Variants in L1CAM observed in about 807,000 individuals in gnomAD.
The protein encoded by L1CAM is neural cell adhesion molecule L1.
A neutral mutation model predicts 93.0 loss-of-function variants in L1CAM; 8 were observed. The observed-to-expected ratio is 0.09, with a 90% CI of 0.05 to 0.16. The LOEUF is 0.16. L1CAM is among the 10% of genes least tolerant of loss of function. The probability of loss-of-function intolerance (pLI) is 1.00; values close to 1 mark genes in which losing one functional copy is unlikely to be tolerated. For missense variants in L1CAM, 777 were observed against 1,073.4 expected, an observed-to-expected ratio of 0.72 and a Z score of 3.86; for synonymous variants, 453 against 453.0, an observed-to-expected ratio of 1.00 and a Z score of 0.00.
chrX:153,867,769 G>C, intron 16 of L1CAM, 31 bp downstream of exon 16: 1 of 1,155,985 alleles, frequency 8.7e-7, no homozygotes, highest in Non-Finnish European at 1.2e-6. Flanking sequence ...CAGAAGTGAC[G>C]GTGGGGTGGC....
At chrX:153,878,631 G>A (rs1428262581) in intron 1 of L1CAM, among the ~76,000 whole-genome samples, 1 of 112,061 alleles carries the variant, frequency 8.9e-6, no homozygotes, top group Non-Finnish European at 1.9e-5. Flanking sequence ...AGCCTTGGGA[G>A]CTCTGAGCAC....
chrX:153,865,356 A>G lies in L1CAM; in HGVS notation c.2692T>C (p.Phe898Leu). 8.3e-7 allele frequency: 1 copy of G among 1,211,487 alleles called. No individual in the cohort carries two copies. The change falls in exon 21 of 29, where the codon TTT (phenylalanine) becomes CTT (leucine). Residue 898 changes from phenylalanine (F) to leucine (L), a missense_variant. By Grantham distance (22) the Phe-to-Leu change is conservative. Around this residue, in one of 5 missense-constraint regions of L1CAM, gnomAD observed 574 missense variants for 781.0 expected, o/e 0.73. Transcript: ENST00000370060. ...GCGGGCCCCGATCCTCGCCCGTTAA[A>G]GGCCTGCACCTCCAGGTGGTAGGAG... ...YSSYHLEVQA[F>L]NGRGSGPASE...
At chrX:153,872,776 G>A (rs1240013581) in intron 3 of L1CAM, 79 bp from the exon 4 acceptor site, 1 of 839,960 alleles carries the variant, frequency 1.2e-6, no homozygotes, top group Non-Finnish European at 1.8e-6. Context: ...CCCATCGTGA[G>A]GGAAGCAGGG....
rs34039996 is a variant in L1CAM, at chrX:153,872,603, C to T, written c.186G>A (p.Lys62=). ...CAGAGATCACTCACTGCACTTCGGG[C>T]TTGCCACTGGCCTCACACTTGAGGC... ...DISLKCEASG[K]PEVQFRWTRD... is the part of the protein sequence containing the mutation. Residue 62 remains lysine (K), a synonymous_variant, in exon 4 of 29, where the codon AAG becomes AAA. Coordinates refer to ENST00000370060, the MANE Select transcript of L1CAM (RefSeq NM_001278116.2). The T allele has an allele frequency of 2.5e-6, 3 of 1,203,915 alleles. No individual in the cohort carries two copies. The highest frequency in any genetic ancestry group is 1.8e-5 in the African/African-American group (1 of 56,969).
rs376924824 is a variant in L1CAM at position 153,869,797 on chromosome X, G to C, written c.1123+6C>G. 2.5e-6 allele frequency: 3 copies of C among 1,209,314 alleles called. No homozygotes were observed. Among genetic ancestry groups the C allele is most frequent in the Non-Finnish European group, 3.4e-6 (3 of 894,764 alleles). On this transcript the variant is annotated splice_donor_region_variant and intron_variant, in intron 10 of 28. Transcript: ENST00000370060. ...ACTCCCCACTCCTGCCTGAGGCCCT[G>C]CTCACCCTCCACAGGGATCCCGTTG... is the stretch of plus-strand genomic sequence containing the variant.
Position 153,862,683 on chromosome X carries a change from G to C in L1CAM, c.3754C>G (p.Pro1252Ala). Reference protein sequence around the residue: ...DSSGATSPINPAVALE With the variant: ...DSSGATSPINAAVALE ...CTCCACTATTCTAGGGCCACGGCAG[G>C]GTTGATGGGGGAAGTGGCCCCTGAG... Residue 1252 changes from proline (P) to alanine (A), a missense_variant, in exon 29 of 29, where the codon CCT (proline) becomes GCT (alanine). Physicochemically the swap from Pro to Ala is conservative, Grantham distance 27. Around this residue, in one of 5 missense-constraint regions of L1CAM, gnomAD observed 110 missense variants for 141.7 expected, o/e 0.78. Transcript: ENST00000370060. 8.3e-7 allele frequency: 1 copy of C among 1,210,187 alleles called. No homozygotes were observed. Among genetic ancestry groups the C allele is most frequent in the Non-Finnish European group, 1.1e-6 (1 of 893,855 alleles).
intron 24 of L1CAM, 39 bp downstream of exon 24, chrX:153,864,546 C>G: frequency 8.3e-7 from 1 of 1,207,847 alleles, no homozygotes; most frequent in Non-Finnish European, 1.1e-6. Context: ...CCCAGAGCCC[C>G]CTTCCCCACC....
chrX:153,885,982 G>T, intron 1 of L1CAM, 83 bp downstream of exon 1: 3 of 712,665 alleles, frequency 4.2e-6, no homozygotes, highest in African/African-American at 2.6e-5. Flanking sequence ...TCCCTGGTCC[G>T]TGCACCCCGG....
Position 153,868,910 on chromosome X carries a change from A to G in L1CAM, c.1310T>C (p.Met437Thr), listed in dbSNP as rs2064741363. The change falls in exon 12 of 29, where the codon ATG becomes ACG. Residue 437 changes from methionine to threonine, a missense_variant. Coordinates refer to ENST00000370060, the MANE Select transcript of L1CAM (RefSeq NM_001278116.2). ...KILTADNQTY[M>T]AVQGSTAYLL... ...GTAGGCAGTGCTGCCCTGGACAGCC[A>G]TGTACGTCTGATTGTCCGCAGTCAG... 8.3e-7 allele frequency: 1 copy of G among 1,211,679 alleles called. No homozygotes were observed. Among genetic ancestry groups the G allele is most frequent in the Non-Finnish European group, 1.1e-6 (1 of 895,237 alleles).
chrX:153,869,192 C>G, intron 11 of L1CAM: 1 of 450,679 alleles, frequency 2.2e-6, no homozygotes, highest in Admixed American at 3.6e-5. Context: ...GCCTAACTGA[C>G]AGTCACCTCT....
At chrX:153,866,930 C>T (rs1466431599) in intron 18 of L1CAM, 59 bp from the exon 19 acceptor site, 15 of 1,137,941 alleles carry the variant, frequency 1.3e-5, no homozygotes, top group South Asian at 9.1e-5. Flanking sequence ...TTCTTTGGCC[C>T]GCCCCCCAGC....
chrX:153,884,982 C>T (rs1408110778), intron 1 of L1CAM, among the ~76,000 whole-genome samples: 1 of 112,550 alleles, frequency 8.9e-6, no homozygotes, highest in Non-Finnish European at 1.9e-5. Context: ...GCCAGGCCCC[C>T]ACTCCTTCTG....
chrX:153,864,524 C>T (rs1557090084), intron 24 of L1CAM, 47 bp from the exon 25 acceptor site: 4 of 1,208,485 alleles, frequency 3.3e-6, no homozygotes, highest in Admixed American at 4.3e-5. Context: ...GAGTGCCAGG[C>T]AACCCCTCTG....
rs1262662588 is a variant in L1CAM at position 153,871,677 on chromosome X, C to T, written c.400+475G>A. ...CAAAGGGAAAACCCCAGGGAAAAGG[C>T]GACACAGATCAAGACAGAGCCGTGG... On this transcript the variant is annotated intron_variant, in intron 5 of 28. Transcript: ENST00000370060. 3.6e-5 allele frequency among the ~76,000 whole-genome samples: 4 copies of T among 111,030 alleles called. No individual in the cohort carries two copies. In the East Asian group the frequency reaches 8.5e-4, roughly 24 times the overall value.
rs201130326 is a variant in L1CAM, at chrX:153,864,304, G to A, written c.3322+18C>T. The A allele has an allele frequency of 5.5e-5, 66 of 1,206,761 alleles. No homozygotes were observed. Among genetic ancestry groups the A allele is most frequent in the Non-Finnish European group, 6.3e-5 (56 of 892,995 alleles). The stretch of plus-strand genomic sequence containing the variant: ...CCATGCTTCCCTGGCAGGTGATGGC[G>A]GGCCCCCGGCGCCTCACCTGTGCCA... On this transcript the variant is annotated intron_variant, in intron 25 of 28. Transcript: ENST00000370060.
At chrX:153,878,571 C>T (rs1352935445) in intron 1 of L1CAM, among the ~76,000 whole-genome samples, 2 of 112,416 alleles carry the variant, frequency 1.8e-5, no homozygotes, top group Non-Finnish European at 3.8e-5. Flanking sequence ...AACTTCAAGG[C>T]CTGTAGGAGC....
In L1CAM at chrX:153,875,743, C is replaced by A. The variant is rs2064808561; in HGVS notation, c.76+18G>T. The A allele has an allele frequency of 1.7e-6, 2 of 1,199,088 alleles. No individual in the cohort carries two copies. The highest frequency in any genetic ancestry group is 2.3e-6 in the Non-Finnish European group (2 of 885,119). ...ATAGCGGCGAAGGTAGGCGCCCAGGCTCCCTTCAGCTACTCACATTCCTCG... is the reference window on the plus strand; with the variant it reads ...ATAGCGGCGAAGGTAGGCGCCCAGGATCCCTTCAGCTACTCACATTCCTCG... On this transcript the variant is annotated intron_variant, in intron 2 of 28. Coordinates refer to ENST00000370060, the MANE Select transcript of L1CAM (RefSeq NM_001278116.2).
At chrX:153,869,112 G>T in intron 11 of L1CAM, 160 bp from the exon 12 acceptor site, 1 of 491,038 alleles carries the variant, frequency 2.0e-6, no homozygotes. Context: ...GTCTCTCTCT[G>T]CCTTCAGACA....
At chrX:153,880,481 G>A in intron 1 of L1CAM, 1 of 239,525 alleles carries the variant, frequency 4.2e-6, no homozygotes, top group Admixed American at 5.5e-5. Context: ...CAGAGTGGGG[G>A]TGGGGCTGGG....
Sources: allele counts gnomAD v4.1 joint callset (sites outside exome capture counted in the v4.1 genomes callset), GRCh38; gene constraint gnomAD v4.1.1; regional missense constraint gnomAD v4.1.1; transcripts MANE v1.5; gene names NCBI Gene and HGNC (gene_info 2026-07-23, HGNC 2026-07-21).